The following SNX29 variants were observed in gnomAD, a reference collection of about 807,000 sequenced individuals.
SNX29 encodes the protein sorting nexin-29.
Under a neutral mutation model 102.1 loss-of-function variants are expected in SNX29, and 78 were observed. The ratio of observed to expected loss-of-function variants is 0.76; its 90% CI spans 0.64 to 0.92. The LOEUF (loss-of-function observed/expected upper bound fraction) is 0.92. SNX29 is among the 40% of genes least tolerant of loss of function. The probability of loss-of-function intolerance (pLI) is 0.00; values close to 1 mark genes in which losing one functional copy is unlikely to be tolerated. For missense variants in SNX29, 1,280 were observed against 1,061.7 expected (o/e 1.21, Z -2.86); for synonymous variants, 580 against 414.5 (o/e 1.40, Z -4.85).
chr16:12,310,017 C>T (rs187392456), intron 15 of SNX29, among the ~76,000 whole-genome samples: 241 of 145,658 alleles, frequency 1.7e-3, no homozygotes, highest in African/African-American at 4.7e-3. Context: ...TGTGCACGCA[C>T]GCTTGCACAC....
At chr16:12,208,218 T>C (rs2077094290) in intron 14 of SNX29, among the ~76,000 whole-genome samples, 1 of 152,176 alleles carries the variant, frequency 6.6e-6, no homozygotes, top group African/African-American at 2.4e-5. Context: ...GCGGAGGGTC[T>C]CGGAAGTGTT....
chr16:12,244,730 G>T (rs1441173395), intron 14 of SNX29, among the ~76,000 whole-genome samples: 1 of 152,188 alleles, frequency 6.6e-6, no homozygotes, highest in Non-Finnish European at 1.5e-5. Flanking sequence ...AGGATGGTTT[G>T]CCACTGTTTG....
intron 13 of SNX29, among the ~76,000 whole-genome samples, chr16:12,162,957 C>T (rs966317817): frequency 1.3e-5 from 2 of 152,158 alleles, no homozygotes; most frequent in African/African-American, 2.4e-5. Context: ...TCTTGGCTCA[C>T]TGCAACCTCC....
intron 20 of SNX29, among the ~76,000 whole-genome samples, chr16:12,551,608 A>G (rs1453683971): frequency 6.6e-6 from 1 of 152,234 alleles, no homozygotes; most frequent in Non-Finnish European, 1.5e-5. Context: ...TGTTACAATT[A>G]GATCTGAGTC....
chr16:12,507,870 C>A (rs2089447458), intron 19 of SNX29, among the ~76,000 whole-genome samples: 2 of 152,176 alleles, frequency 1.3e-5, no homozygotes, highest in South Asian at 2.1e-4. Context: ...CTCCAGTTCC[C>A]AGCATGGCAC....
chr16:12,058,792 C>G (rs1008743737), intron 8 of SNX29, among the ~76,000 whole-genome samples: 1 of 137,012 alleles, frequency 7.3e-6, no homozygotes, highest in African/African-American at 2.8e-5. Context: ...CAGCACCCGG[C>G]CTGGGTTTTT....
chr16:12,393,734 CA>C (rs1420097276), intron 16 of SNX29, among the ~76,000 whole-genome samples: 3 of 152,234 alleles, frequency 2.0e-5, no homozygotes, highest in Admixed American at 2.0e-4. Context: ...GAGAAGGGAG[CA>C]GTAGCTTACA....
At chr16:12,228,623 C>A (rs990324405) in intron 14 of SNX29, among the ~76,000 whole-genome samples, 1 of 152,240 alleles carries the variant, frequency 6.6e-6, no homozygotes. Flanking sequence ...CTTGCAAAAC[C>A]CTGCCTGACT....
chr16:12,516,550 A>T (rs75419915), intron 19 of SNX29, among the ~76,000 whole-genome samples: 1 of 150,126 alleles, frequency 6.7e-6, no homozygotes, highest in Non-Finnish European at 1.5e-5. Context: ...TGGAGTCCTT[A>T]GTAGTCTAGT....
At chr16:12,563,972 G>GA (rs1168321001) in intron 20 of SNX29, among the ~76,000 whole-genome samples, 2 of 147,720 alleles carry the variant, frequency 1.4e-5, no homozygotes, top group Non-Finnish European at 3.0e-5. Flanking sequence ...GGGCTTTTCA[G>GA]ATAAGGTTCC....
At chr16:12,331,205 T>C (rs1488454844) in intron 15 of SNX29, among the ~76,000 whole-genome samples, 1 of 152,196 alleles carries the variant, frequency 6.6e-6, no homozygotes, top group Non-Finnish European at 1.5e-5. Context: ...TCCAGGCTGC[T>C]GGGCTTGGCT....
intron 20 of SNX29, among the ~76,000 whole-genome samples, chr16:12,567,955 T>G (rs1379958586): frequency 1.3e-5 from 2 of 152,164 alleles, no homozygotes; most frequent in African/African-American, 4.8e-5. Context: ...CCAGGATCAG[T>G]GTCCCCCTCT....
At chr16:12,547,488 C>A (rs1006092168) in intron 20 of SNX29, among the ~76,000 whole-genome samples, 1 of 152,108 alleles carries the variant, frequency 6.6e-6, no homozygotes, top group Non-Finnish European at 1.5e-5. Context: ...AGTAGAACTA[C>A]CAGAACTTGC....
intron 18 of SNX29, among the ~76,000 whole-genome samples, chr16:12,427,147 C>G (rs2085113541): frequency 6.6e-6 from 1 of 151,786 alleles, no homozygotes; most frequent in Non-Finnish European, 1.5e-5. Flanking sequence ...ATGTAGCACC[C>G]CTTGGGGTCT....
At position 12,129,620 on chromosome 16, in the gene SNX29, C is replaced by G. The variant is rs761189871; in HGVS notation, c.1467-10C>G. The stretch of plus-strand genomic sequence containing the variant: ...ACAGCTTCTGAACAGATGGGTCCCT[C>G]TCTTCCCAGATCACTGCGAAACCTG... On this transcript the variant is annotated splice_polypyrimidine_tract_variant and intron_variant, in intron 12 of 20. Transcript: ENST00000566228. 40 of 1,605,140 alleles carry G rather than the reference C, an allele frequency of 2.5e-5. No individual in the cohort carries two copies. The highest frequency in any genetic ancestry group is 8.5e-6 in the Non-Finnish European group (10 of 1,175,798).
chr16:12,245,133 T>C (rs910352376), intron 14 of SNX29, among the ~76,000 whole-genome samples: 1 of 152,008 alleles, frequency 6.6e-6, no homozygotes, highest in African/African-American at 2.4e-5. Context: ...AATGGGAAGA[T>C]TTTTGTTGTT....
At chr16:12,172,584 C>G (rs907801926) in intron 13 of SNX29, among the ~76,000 whole-genome samples, 3 of 152,202 alleles carry the variant, frequency 2.0e-5, no homozygotes, top group African/African-American at 7.2e-5. Context: ...ATAATATTCT[C>G]TTCCTTTCAG....
chr16:12,520,442 G>C (rs989311406), intron 19 of SNX29, among the ~76,000 whole-genome samples: 18 of 152,346 alleles, frequency 1.2e-4, no homozygotes, highest in African/African-American at 3.6e-4. Flanking sequence ...CCACCTCCTA[G>C]TCTTGACCCT....
At chr16:12,333,480 C>T (rs2081355995) in intron 15 of SNX29, among the ~76,000 whole-genome samples, 3 of 152,060 alleles carry the variant, frequency 2.0e-5, no homozygotes, top group African/African-American at 7.2e-5. Context: ...AGCTGAAGCT[C>T]AGAGATTAAG....
Sources: gnomAD v4.1 joint callset for allele counts (sites outside exome capture counted in the v4.1 genomes callset) on GRCh38, gnomAD v4.1.1 for gene constraint, MANE v1.5 for transcripts, NCBI Gene and HGNC (gene_info 2026-07-23, HGNC 2026-07-21) for gene names.